The following WHRN variants were observed in gnomAD, a reference collection of about 807,000 sequenced individuals.
The protein encoded by WHRN is whirlin, also known as CASK-interacting protein CIP98.
WHRN carries 41 observed loss-of-function variants against 68.3 expected under a neutral mutation model. The ratio of observed to expected loss-of-function variants is 0.60; its 90% CI spans 0.47 to 0.78. The LOEUF (loss-of-function observed/expected upper bound fraction) is 0.78. WHRN is among the 30% of genes least tolerant of loss of function. The probability of loss-of-function intolerance (pLI) is 0.00; values close to 1 mark genes in which losing one functional copy is unlikely to be tolerated. For synonymous variants in WHRN, 560 were observed against 561.3 expected, an observed-to-expected ratio of 1.00 and a Z score of 0.03; for missense variants, 1,243 against 1,244.7, an observed-to-expected ratio of 1.00 and a Z score of 0.02.
At chr9:114,489,929 T>C (rs1456597515) in intron 1 of WHRN, among the ~76,000 whole-genome samples, 1 of 152,198 alleles carries the variant, frequency 6.6e-6, no homozygotes, top group Non-Finnish European at 1.5e-5. Flanking sequence ...AACATTCTCT[T>C]AAACAAAAGT....
intron 3 of WHRN, among the ~76,000 whole-genome samples, chr9:114,445,840 T>C (rs1399990632): frequency 6.6e-6 from 1 of 152,200 alleles, no homozygotes; most frequent in Non-Finnish European, 1.5e-5. Context: ...CCTCTGAGGT[T>C]TCTCTCATTT....
In WHRN at chr9:114,504,561, G is replaced by A. The variant is rs766328702; in HGVS notation, c.241C>T (p.Leu81=). 6.2e-7 allele frequency: 1 copy of A among 1,611,380 alleles called. No homozygotes were observed. The highest frequency in any genetic ancestry group is 8.5e-7 in the Non-Finnish European group (1 of 1,179,816). The stretch of plus-strand genomic sequence containing the variant: ...CGCCGCTTGACCGGACTGTCCAGCA[G>A]CACGCGCAGGGTGCGCACCAGGTCG... ...VFDLVRTLRV[L]LDSPVKRRLL... is the part of the protein sequence containing the mutation. Residue 81 remains leucine (L), a synonymous_variant, in exon 1 of 12, where the codon CTG becomes TTG. Coordinates refer to ENST00000362057, the MANE Select transcript of WHRN (RefSeq NM_015404.4).
intron 11 of WHRN, 45 bp from the exon 12 acceptor site, chr9:114,402,981 A>G (rs2132183458): frequency 6.3e-7 from 1 of 1,582,658 alleles, no homozygotes; most frequent in Non-Finnish European, 8.6e-7. Flanking sequence ...AGGGTTAGAC[A>G]GGCCTGGCTT....
intron 1 of WHRN, among the ~76,000 whole-genome samples, chr9:114,499,105 C>A (rs960867313): frequency 1.3e-5 from 2 of 152,134 alleles, no homozygotes; most frequent in African/African-American, 4.8e-5. Context: ...TTGCTGTGAA[C>A]CGAAAACTGC....
chr9:114,426,345 C>A lies in WHRN; in HGVS notation c.1032G>T (p.Arg344Ser). 1 of 1,614,100 alleles carries A rather than the reference C, an allele frequency of 6.2e-7. No homozygotes were observed. The highest frequency in any genetic ancestry group is 8.5e-7 in the Non-Finnish European group (1 of 1,180,054). Residue 344 changes from arginine to serine, a missense_variant, in exon 4 of 12, where the codon AGG becomes AGT. By Grantham distance (110) the Arg-to-Ser change is moderately radical (BLOSUM62 -1). Transcript: ENST00000362057. ...TGAGGTGCCGAGATGACTTAAGCAG[C>A]CTGACAGCCTCGTCGTGTAGGATGT... ...FLNILHDEAVRLLKSSRHLIL... is the reference protein window; with the variant it reads ...FLNILHDEAVSLLKSSRHLIL...
intron 3 of WHRN, among the ~76,000 whole-genome samples, chr9:114,433,777 C>T (rs1341758890): frequency 6.6e-6 from 1 of 152,190 alleles, no homozygotes; most frequent in Non-Finnish European, 1.5e-5. Context: ...GAGCTCTTCA[C>T]CCAACCCTCT....
chr9:114,472,779 G>A (rs1180473302), intron 2 of WHRN, among the ~76,000 whole-genome samples: 2 of 152,190 alleles, frequency 1.3e-5, no homozygotes, highest in East Asian at 3.8e-4. Flanking sequence ...TTTAGTAACT[G>A]ACGGTTGTTG....
chr9:114,500,302 C>A (rs927148490), intron 1 of WHRN, among the ~76,000 whole-genome samples: 10 of 152,140 alleles, frequency 6.6e-5, no homozygotes, highest in Admixed American at 5.9e-4. Context: ...GACACAGGAA[C>A]AAGACCGGGG....
intron 3 of WHRN, among the ~76,000 whole-genome samples, chr9:114,429,020 T>C (rs906721923): frequency 1.8e-4 from 27 of 151,772 alleles, no homozygotes; most frequent in African/African-American, 6.1e-4. Flanking sequence ...AACCTCCACC[T>C]CCTGGGTTCA....
intron 7 of WHRN, among the ~76,000 whole-genome samples, chr9:114,420,944 C>T (rs1836231269): frequency 6.6e-6 from 1 of 151,956 alleles, no homozygotes; most frequent in Non-Finnish European, 1.5e-5. Flanking sequence ...TCCACGCTGC[C>T]TTTCCTGCTT....
At chr9:114,490,895 C>T (rs1456638819) in intron 1 of WHRN, among the ~76,000 whole-genome samples, 1 of 152,224 alleles carries the variant, frequency 6.6e-6, no homozygotes, top group Non-Finnish European at 1.5e-5. Context: ...GATATTGATT[C>T]CTCTTTAATG....
At chr9:114,425,986 T>C (rs529379722) in intron 4 of WHRN, 2 of 621,858 alleles carry the variant, frequency 3.2e-6, no homozygotes, top group Admixed American at 2.7e-5. Flanking sequence ...TGGGGACAAA[T>C]AAAGAATGAG....
intron 1 of WHRN, among the ~76,000 whole-genome samples, chr9:114,498,700 T>C (rs1843671142): frequency 6.6e-6 from 1 of 152,206 alleles, no homozygotes. Context: ...CCACACTTTC[T>C]AGTAAGCGGA....
intron 6 of WHRN, 77 bp from the exon 7 acceptor site, chr9:114,423,600 G>A (rs1836524750): frequency 9.9e-6 from 14 of 1,414,614 alleles, no homozygotes; most frequent in African/African-American, 1.4e-5. Flanking sequence ...TACCCCCAAA[G>A]GACTGGCATG....
At chr9:114,502,279 C>T (rs1363629792) in intron 1 of WHRN, among the ~76,000 whole-genome samples, 2 of 152,210 alleles carry the variant, frequency 1.3e-5, no homozygotes, top group African/African-American at 2.4e-5. Context: ...TCAGCTCACA[C>T]AGGCTCCTGC....
At position 114,464,081 on chromosome 9, in the gene WHRN, C is replaced by T. The variant is rs201002673; in HGVS notation, c.963+2186G>A. ...CCTGTATCTAAACACCACATGTATC[C>T]CACAAATGTACACACCTACTATGCA... On this transcript the variant is annotated intron_variant, in intron 3 of 11. Coordinates refer to ENST00000362057, the MANE Select transcript of WHRN (RefSeq NM_015404.4). Among the ~76,000 whole-genome samples, 14 of 152,242 alleles carry T rather than the reference C, an allele frequency of 9.2e-5. No individual in the cohort carries two copies. The East Asian group carries it at 2.7e-3, about 29-fold the overall frequency.
intron 3 of WHRN, among the ~76,000 whole-genome samples, chr9:114,464,323 C>G (rs1840484879): frequency 6.6e-6 from 1 of 152,162 alleles, no homozygotes; most frequent in Admixed American, 6.5e-5. Flanking sequence ...GTACCACAGA[C>G]TGGGTGGCTT....
intron 7 of WHRN, among the ~76,000 whole-genome samples, chr9:114,410,911 C>T (rs548828044): frequency 6.6e-6 from 1 of 152,376 alleles, no homozygotes; most frequent in Admixed American, 6.5e-5. Context: ...GCTCTGCCAA[C>T]TCTGAGGCTT....
intron 2 of WHRN, among the ~76,000 whole-genome samples, chr9:114,471,342 CT>C (rs1409947944): frequency 6.6e-6 from 1 of 152,204 alleles, no homozygotes; most frequent in African/African-American, 2.4e-5. Context: ...GTTATCCCCA[CT>C]TTCCAGATGA....
Sources: gnomAD v4.1 joint callset for allele counts (sites outside exome capture counted in the v4.1 genomes callset) on GRCh38, gnomAD v4.1.1 for gene constraint, MANE v1.5 for transcripts, NCBI Gene and HGNC (gene_info 2026-07-23, HGNC 2026-07-21) for gene names.